Variants in TLE1 observed in about 807,000 individuals in gnomAD.
The protein encoded by TLE1 is transducin-like enhancer protein 1.
In TLE1, 21 loss-of-function variants were observed where a neutral mutation model predicts 89.8. That is an observed-to-expected ratio of 0.23 (90% CI 0.17 to 0.34). The LOEUF is 0.34. Ranked by LOEUF, TLE1 falls within the 10% of genes least tolerant of loss-of-function variation. The pLI is 1.00. For synonymous variants in TLE1, 447 were observed against 407.6 expected (o/e 1.10, Z -1.16); for missense variants, 795 against 1,031.2 (o/e 0.77, Z 3.14).
At chr9:81,658,919 T>G (rs1171034025) in intron 4 of TLE1, among the ~76,000 whole-genome samples, 1 of 148,698 alleles carries the variant, frequency 6.7e-6, no homozygotes, top group African/African-American at 2.5e-5. Context: ...TATTTATTTA[T>G]TTTTTTTTTA....
chr9:81,679,079 C>T (rs182994290), intron 4 of TLE1, among the ~76,000 whole-genome samples: 1 of 152,194 alleles, frequency 6.6e-6, no homozygotes, highest in East Asian at 1.9e-4. Flanking sequence ...ACCCAGGAGG[C>T]GGAGGCTGCA....
At chr9:81,593,434 G>A (rs183339071) in intron 14 of TLE1, among the ~76,000 whole-genome samples, 160 bp from the exon 15 acceptor site, 1 of 152,252 alleles carries the variant, frequency 6.6e-6, no homozygotes, top group East Asian at 1.9e-4. Flanking sequence ...ATTTACTGCT[G>A]GTGCAAATTT....
At chr9:81,614,258 A>T (rs994103292) in intron 11 of TLE1, among the ~76,000 whole-genome samples, 10 of 152,152 alleles carry the variant, frequency 6.6e-5, no homozygotes, top group African/African-American at 2.4e-4. Flanking sequence ...GATTGAGACA[A>T]ATGGTGAGAG....
intron 4 of TLE1, among the ~76,000 whole-genome samples, chr9:81,676,745 T>C (rs1311334028): frequency 6.6e-6 from 1 of 152,216 alleles, no homozygotes; most frequent in Non-Finnish European, 1.5e-5. Flanking sequence ...TTACATCTGC[T>C]ATCTTAAAGA....
chr9:81,632,725 C>T (rs1034867905), intron 8 of TLE1, among the ~76,000 whole-genome samples: 5 of 151,934 alleles, frequency 3.3e-5, no homozygotes, highest in African/African-American at 1.2e-4. Flanking sequence ...ACTCTACGCA[C>T]ACAGCCCTGT....
At chr9:81,630,137 A>G (rs1180841926) in intron 8 of TLE1, among the ~76,000 whole-genome samples, 2 of 144,242 alleles carry the variant, frequency 1.4e-5, no homozygotes, top group African/African-American at 5.4e-5. Flanking sequence ...AAACAAGAAG[A>G]AAAAAAAAAA....
At chr9:81,685,609 A>G (rs1051189860) in intron 4 of TLE1, 67 bp downstream of exon 4, 20 of 1,547,790 alleles carry the variant, frequency 1.3e-5, no homozygotes, top group Non-Finnish European at 1.4e-5. Flanking sequence ...TACTGAGAAC[A>G]AAGCCAGTAT....
chr9:81,653,841 G>T (rs1829848071), intron 5 of TLE1, 133 bp downstream of exon 5: 3 of 750,512 alleles, frequency 4.0e-6, no homozygotes, highest in Non-Finnish European at 6.8e-6. Flanking sequence ...CTAGCAGGGG[G>T]TTTACACACT....
chr9:81,639,358 G>T (rs896763151), intron 6 of TLE1, among the ~76,000 whole-genome samples: 1 of 152,024 alleles, frequency 6.6e-6, no homozygotes, highest in Non-Finnish European at 1.5e-5. Context: ...AGCTACCATA[G>T]CTGGCCTGCA....
intron 14 of TLE1, among the ~76,000 whole-genome samples, chr9:81,605,594 C>T (rs1436921010): frequency 6.6e-6 from 1 of 151,432 alleles, no homozygotes; most frequent in South Asian, 2.1e-4. Context: ...GAATCCCTTC[C>T]TTACACCTTA....
chr9:81,590,939 G>A lies in TLE1; in HGVS notation c.1695C>T (p.Arg565=), dbSNP rs1391946659. The change falls in exon 16 of 20, where the codon CGC becomes CGT. Residue 565 remains arginine (R), a synonymous_variant. Transcript: ENST00000376499. ...CCGAGGACGTCAGCTCCGCCTTGAT[G>A]CGCGGGGTTGGAGCCGCCAGGTCCC... ...SIWDLAAPTP[R]IKAELTSSAP... The A allele has an allele frequency of 1.2e-6, 2 of 1,614,262 alleles. No individual in the cohort carries two copies. Among genetic ancestry groups the A allele is most frequent in the South Asian group, 1.1e-5 (1 of 91,088 alleles).
At chr9:81,633,504 T>C in intron 7 of TLE1, 140 bp from the exon 8 acceptor site, 1 of 1,112,100 alleles carries the variant, frequency 9.0e-7, no homozygotes, top group Non-Finnish European at 1.3e-6. Flanking sequence ...TATAAGTCAT[T>C]GCACATTCCT....
In TLE1 at chr9:81,658,918, AT is replaced by A. The variant is rs915773052; in HGVS notation, c.235-4883del. On this transcript the variant is annotated intron_variant, in intron 4 of 19. Transcript: ENST00000376499. ...TATGTATTTATTTATCTATTTATTTATTTTTTTTTTAGATGGAGTCTTGCTC... is the reference window on the plus strand; with the variant it reads ...TATGTATTTATTTATCTATTTATTTATTTTTTTTTAGATGGAGTCTTGCTC... Among the ~76,000 whole-genome samples, 468 of 149,054 alleles carry A rather than the reference AT, an allele frequency of 3.1e-3. 1 individual carries two copies. The highest frequency in any genetic ancestry group is 0.011 in the African/African-American group (439 of 40,724).
intron 11 of TLE1, among the ~76,000 whole-genome samples, chr9:81,615,006 C>T (rs918231909): frequency 5.8e-5 from 8 of 137,874 alleles, no homozygotes; most frequent in African/African-American, 1.9e-4. Context: ...ACCAGCATGG[C>T]CAACATGAAA....
intron 14 of TLE1, 69 bp downstream of exon 14, chr9:81,610,151 T>C (rs1823511799): frequency 2.7e-5 from 38 of 1,384,810 alleles, no homozygotes; most frequent in Non-Finnish European, 3.9e-5. Context: ...CCTTTGGAAT[T>C]CTAGTCTGCT....
chr9:81,661,208 A>ATATATATATGTATTTT lies in TLE1; in HGVS notation c.235-7173_235-7172insAAAATACATATATATA, dbSNP rs1384854621. On this transcript the variant is annotated intron_variant, in intron 4 of 19. Coordinates refer to ENST00000376499, the MANE Select transcript of TLE1 (RefSeq NM_005077.5). ...TATTTTTATATATATATGTATTTTT[A>ATATATATATGTATTTT]TATATATATATATCTTTTTTTCAAG... is the stretch of plus-strand genomic sequence containing the variant. Among the ~76,000 whole-genome samples, 16 of 24,024 alleles carry ATATATATATGTATTTT rather than the reference A, an allele frequency of 6.7e-4. No homozygotes were observed. In the South Asian group the frequency reaches 0.023, roughly 34 times the overall value. The allele number at this position is 24,024 out of a possible 152,430, so 15.8% of individuals were successfully genotyped here.
At chr9:81,633,942 T>C (rs531077493) in intron 7 of TLE1, 155 bp downstream of exon 7, 2 of 811,984 alleles carry the variant, frequency 2.5e-6, no homozygotes, top group African/African-American at 1.7e-5. Context: ...ACTTCCAGGG[T>C]GACCTGTGTT....
At chr9:81,591,294 C>T (rs1394249559) in intron 15 of TLE1, among the ~76,000 whole-genome samples, 2 of 152,192 alleles carry the variant, frequency 1.3e-5, no homozygotes, top group African/African-American at 4.8e-5. Flanking sequence ...AGAGCTGAAA[C>T]TATCTAGGTA....
chr9:81,680,082 G>A (rs2796444), intron 4 of TLE1, among the ~76,000 whole-genome samples: 36,695 of 152,116 alleles, frequency 0.24, 5,064 homozygotes, highest in Non-Finnish European at 0.32. Flanking sequence ...TTGCACGCAC[G>A]AGGTGCTGGG....
Sources: gnomAD v4.1 joint callset for allele counts (sites outside exome capture counted in the v4.1 genomes callset) on GRCh38, gnomAD v4.1.1 for gene constraint, MANE v1.5 for transcripts, NCBI Gene and HGNC (gene_info 2026-07-23, HGNC 2026-07-21) for gene names.